The following TTC28 variants were observed in gnomAD, a reference collection of about 807,000 sequenced individuals.
TTC28 encodes tetratricopeptide repeat domain 28.
A neutral mutation model predicts 198.0 loss-of-function variants in TTC28; 61 were observed. That is an observed-to-expected ratio of 0.31 (90% confidence interval 0.25 to 0.38). The LOEUF (loss-of-function observed/expected upper bound fraction) is 0.38, where lower values mean the gene tolerates loss of function less well. Ranked by LOEUF, TTC28 falls within the 10% of genes least tolerant of loss-of-function variation. The probability of loss-of-function intolerance (pLI) is 1.00; values close to 1 mark genes in which losing one functional copy is unlikely to be tolerated. For missense variants in TTC28, 2,678 were observed against 3,164.0 expected, an observed-to-expected ratio of 0.85 and a Z score of 3.69; for synonymous variants, 1,171 against 1,297.8, an observed-to-expected ratio of 0.90 and a Z score of 2.10.
intron 12 of TTC28, among the ~76,000 whole-genome samples, chr22:28,057,799 T>A (rs931633003): frequency 1.3e-5 from 2 of 152,236 alleles, no homozygotes; most frequent in Admixed American, 1.3e-4. Flanking sequence ...TTCAAGATTG[T>A]TTTTTTCTGT....
intron 2 of TTC28, among the ~76,000 whole-genome samples, chr22:28,325,068 T>TA (rs2145857670): frequency 2.9e-5 from 1 of 34,284 alleles, no homozygotes; most frequent in African/African-American, 7.6e-5. Context: ...CTCCTCCTTG[T>TA]ACTCTGGTTG....
At chr22:28,637,840 C>T (rs1157806340) in intron 1 of TTC28, among the ~76,000 whole-genome samples, 1 of 150,898 alleles carries the variant, frequency 6.6e-6, no homozygotes, top group Non-Finnish European at 1.5e-5. Flanking sequence ...TTTAAGGATA[C>T]ACACAGACTG....
intron 6 of TTC28, among the ~76,000 whole-genome samples, chr22:28,112,604 C>G (rs1942516837): frequency 1.3e-5 from 2 of 152,188 alleles, no homozygotes; most frequent in Admixed American, 6.5e-5. Context: ...CTGGGGAATT[C>G]TGAATGGAAC....
At chr22:28,240,358 T>G (rs1929576870) in intron 5 of TTC28, among the ~76,000 whole-genome samples, 1 of 152,196 alleles carries the variant, frequency 6.6e-6, no homozygotes, top group Admixed American at 6.5e-5. Context: ...AATTCTGCTG[T>G]GGTATTAAAT....
At chr22:28,281,265 C>T (rs1237149080) in intron 5 of TTC28, among the ~76,000 whole-genome samples, 1 of 152,052 alleles carries the variant, frequency 6.6e-6, no homozygotes, top group African/African-American at 2.4e-5. Flanking sequence ...TCCCATAAGA[C>T]ACTGAGGCTC....
At chr22:28,622,965 G>A (rs1321607555) in intron 2 of TTC28, among the ~76,000 whole-genome samples, 1 of 152,064 alleles carries the variant, frequency 6.6e-6, no homozygotes, top group Admixed American at 6.6e-5. Context: ...GAGATTACAG[G>A]CGCCTGCCAC....
chr22:28,337,995 T>C (rs1601652610), intron 2 of TTC28, among the ~76,000 whole-genome samples: 1 of 152,198 alleles, frequency 6.6e-6, no homozygotes, highest in African/African-American at 2.4e-5. Context: ...TTCCTTTCCA[T>C]GTTTAGTGCT....
At chr22:28,054,239 G>A (rs150393903) in intron 12 of TTC28, among the ~76,000 whole-genome samples, 5 of 152,266 alleles carry the variant, frequency 3.3e-5, no homozygotes, top group East Asian at 1.9e-4. Flanking sequence ...GGATGGTCCC[G>A]CATGCAGCAG....
chr22:28,317,153 T>C (rs991737296), intron 2 of TTC28, among the ~76,000 whole-genome samples: 4 of 152,182 alleles, frequency 2.6e-5, no homozygotes, highest in Admixed American at 6.5e-5. Context: ...GTTTCTGTCT[T>C]TCCATTTGTT....
chr22:28,265,840 T>TAG (rs1433155396), intron 5 of TTC28, among the ~76,000 whole-genome samples: 3 of 152,104 alleles, frequency 2.0e-5, no homozygotes, highest in Admixed American at 6.6e-5. Context: ...AACACCCAGA[T>TAG]AGAGGTGAGG....
intron 1 of TTC28, among the ~76,000 whole-genome samples, chr22:28,659,411 G>A (rs2051708098): frequency 6.6e-6 from 1 of 152,096 alleles, no homozygotes; most frequent in South Asian, 2.1e-4. Flanking sequence ...TGGGCCTACA[G>A]GTTCATGCCA....
At chr22:28,620,100 C>T (rs1418575317) in intron 2 of TTC28, among the ~76,000 whole-genome samples, 1 of 152,096 alleles carries the variant, frequency 6.6e-6, no homozygotes, top group African/African-American at 2.4e-5. Context: ...GCCTGTAATC[C>T]CAGCACTCTG....
At chr22:28,113,692 G>T (rs995793553) in intron 6 of TTC28, among the ~76,000 whole-genome samples, 1 of 152,148 alleles carries the variant, frequency 6.6e-6, no homozygotes, top group Non-Finnish European at 1.5e-5. Flanking sequence ...GAAACAACGT[G>T]GTGTCCATGA....
At chr22:28,105,907 G>C in intron 7 of TTC28, 105 bp from the exon 8 acceptor site, 2 of 1,342,536 alleles carry the variant, frequency 1.5e-6, no homozygotes, top group Non-Finnish European at 2.0e-6. Context: ...ACTTACTATA[G>C]AAGCTCTTAA....
intron 2 of TTC28, among the ~76,000 whole-genome samples, chr22:28,585,839 C>T (rs2050306690): frequency 6.6e-6 from 1 of 151,862 alleles, no homozygotes; most frequent in Non-Finnish European, 1.5e-5. Flanking sequence ...GAAAGATGGG[C>T]AAGGGGAAGG....
At chr22:28,663,260 A>AAAAG (rs929596277) in intron 1 of TTC28, among the ~76,000 whole-genome samples, 5 of 151,862 alleles carry the variant, frequency 3.3e-5, no homozygotes, top group South Asian at 2.1e-4. Context: ...AAAAAAAAAA[A>AAAAG]AAAGAAAGAA....
chr22:28,356,812 C>G (rs1357145037), intron 2 of TTC28, among the ~76,000 whole-genome samples: 1 of 152,140 alleles, frequency 6.6e-6, no homozygotes, highest in Admixed American at 6.5e-5. Flanking sequence ...CACGTCCCAG[C>G]ACATGCTCCA....
chr22:28,220,908 A>C (rs1051570873), intron 5 of TTC28, among the ~76,000 whole-genome samples: 2 of 152,220 alleles, frequency 1.3e-5, no homozygotes, highest in African/African-American at 4.8e-5. Context: ...GAGGAGAATG[A>C]ATGAGCTTGA....
chr22:28,188,285 T>C (rs1397054525), intron 5 of TTC28, among the ~76,000 whole-genome samples: 1 of 152,026 alleles, frequency 6.6e-6, no homozygotes, highest in African/African-American at 2.4e-5. Context: ...CCACAAAATT[T>C]TGGAAGATGG....
Sources: gnomAD v4.1 joint callset for allele counts (sites outside exome capture counted in the v4.1 genomes callset) on GRCh38, gnomAD v4.1.1 for gene constraint, MANE v1.5 for transcripts, NCBI Gene and HGNC (gene_info 2026-07-23, HGNC 2026-07-21) for gene names.